Variants in MAGI1 observed in about 807,000 individuals in gnomAD.
MAGI1 encodes the protein membrane associated guanylate kinase, WW and PDZ domain containing 1, also known as membrane-associated guanylate kinase, WW and PDZ domain-containing protein 1.
Under a neutral mutation model 139.9 loss-of-function variants are expected in MAGI1, and 58 were observed. The ratio of observed to expected loss-of-function variants is 0.41; its 90% CI spans 0.34 to 0.52. MAGI1 has a LOEUF of 0.52. Among genes scored for constraint, MAGI1 ranks in the 20% least tolerant of loss-of-function variants. The pLI is 0.12. For synonymous variants in MAGI1, 812 were observed against 737.9 expected, an observed-to-expected ratio of 1.10 and a Z score of -1.63; for missense variants, 1,874 against 1,901.6, an observed-to-expected ratio of 0.99 and a Z score of 0.27.
At chr3:65,814,528 G>C (rs1157652477) in intron 1 of MAGI1, among the ~76,000 whole-genome samples, 2 of 152,130 alleles carry the variant, frequency 1.3e-5, no homozygotes, top group South Asian at 2.1e-4. Context: ...GATTTCTTTC[G>C]CCCAGAGGAT....
intron 1 of MAGI1, among the ~76,000 whole-genome samples, chr3:65,930,436 A>G (rs917747013): frequency 3.3e-5 from 5 of 151,726 alleles, no homozygotes; most frequent in African/African-American, 1.2e-4. Flanking sequence ...GTATTTATCA[A>G]AATGTCCACT....
intron 2 of MAGI1, among the ~76,000 whole-genome samples, chr3:65,525,324 G>C (rs2078333064): frequency 6.6e-6 from 1 of 152,134 alleles, no homozygotes; most frequent in Non-Finnish European, 1.5e-5. Context: ...CCCTCAGTAG[G>C]TTTTTCTTTT....
At chr3:65,392,870 G>T (rs1944044250) in intron 13 of MAGI1, among the ~76,000 whole-genome samples, 1 of 152,192 alleles carries the variant, frequency 6.6e-6, no homozygotes, top group Non-Finnish European at 1.5e-5. Flanking sequence ...AAGGTAGACT[G>T]TTTAAAATTA....
intron 1 of MAGI1, among the ~76,000 whole-genome samples, chr3:66,004,379 G>A (rs1255687875): frequency 6.6e-6 from 1 of 152,114 alleles, no homozygotes; most frequent in Non-Finnish European, 1.5e-5. Flanking sequence ...GCTGTCGGCC[G>A]AAACACCTAC....
rs188458217 is a variant in MAGI1 at position 65,631,351 on chromosome 3, T to A, written c.314-9263A>T. 3.6e-3 allele frequency among the ~76,000 whole-genome samples: 554 copies of A among 152,322 alleles called. 7 individuals are homozygous for A. Among genetic ancestry groups the A allele is most frequent in the African/African-American group, 0.013 (534 of 41,566 alleles). On this transcript the variant is annotated intron_variant, in intron 1 of 22. Coordinates refer to ENST00000402939, the MANE Select transcript of MAGI1 (RefSeq NM_001033057.2). ...GTAGGATCATGCCACATATATGGAT[T>A]TATATCTATGTTTTCTAACAAATAA...
intron 2 of MAGI1, among the ~76,000 whole-genome samples, chr3:65,595,386 C>A (rs767352273): frequency 2.2e-4 from 33 of 152,116 alleles, no homozygotes; most frequent in Non-Finnish European, 4.0e-4. Context: ...TTAATAAAGC[C>A]CATGTGAAAC....
chr3:65,728,697 G>A (rs973687575), intron 1 of MAGI1, among the ~76,000 whole-genome samples: 2 of 152,058 alleles, frequency 1.3e-5, no homozygotes, highest in South Asian at 4.1e-4. Flanking sequence ...CTGTCCCAAA[G>A]AAATGATGCA....
intron 1 of MAGI1, among the ~76,000 whole-genome samples, chr3:65,786,336 C>G (rs550988181): frequency 2.9e-5 from 4 of 138,640 alleles, no homozygotes; most frequent in Non-Finnish European, 4.6e-5. Flanking sequence ...CCACACCAAA[C>G]TGAAGTGTCA....
chr3:65,861,875 G>C (rs1172878769), intron 1 of MAGI1, among the ~76,000 whole-genome samples: 1 of 152,172 alleles, frequency 6.6e-6, no homozygotes, highest in Non-Finnish European at 1.5e-5. Context: ...AACTTGTTGA[G>C]ATATTAGCAG....
chr3:65,422,084 T>C (rs1040122222), intron 12 of MAGI1, among the ~76,000 whole-genome samples: 2 of 152,224 alleles, frequency 1.3e-5, no homozygotes, highest in Non-Finnish European at 2.9e-5. Flanking sequence ...TTAAAATCTC[T>C]AGAACTGTGC....
chr3:65,379,254 C>T lies in MAGI1; in HGVS notation c.2995+7G>A. 1 of 1,610,896 alleles carries T rather than the reference C, an allele frequency of 6.2e-7. No individual in the cohort carries two copies. The highest frequency in any genetic ancestry group is 8.5e-7 in the Non-Finnish European group (1 of 1,178,408). On this transcript the variant is annotated splice_region_variant and intron_variant, in intron 17 of 22. Coordinates refer to ENST00000402939, the MANE Select transcript of MAGI1 (RefSeq NM_001033057.2). Reference sequence around the variant, plus strand: ...AAACCCTGGGTAATTTCACGTTCAGCACTCACCAAAGGTCGTGCCTGCTTC... The same window carrying T: ...AAACCCTGGGTAATTTCACGTTCAGTACTCACCAAAGGTCGTGCCTGCTTC...
chr3:65,856,075 T>G (rs1406282801), intron 1 of MAGI1, among the ~76,000 whole-genome samples: 1 of 152,112 alleles, frequency 6.6e-6, no homozygotes, highest in Non-Finnish European at 1.5e-5. Flanking sequence ...TACTGAGCAT[T>G]TGAAATATGA....
At chr3:65,670,192 A>G (rs2107456539) in intron 1 of MAGI1, among the ~76,000 whole-genome samples, 1 of 152,254 alleles carries the variant, frequency 6.6e-6, no homozygotes, top group Admixed American at 6.5e-5. Flanking sequence ...CTTTATAACA[A>G]GTTAGTATGA....
intron 2 of MAGI1, among the ~76,000 whole-genome samples, chr3:65,535,145 C>T (rs1361737904): frequency 6.6e-6 from 1 of 151,912 alleles, no homozygotes; most frequent in African/African-American, 2.4e-5. Flanking sequence ...ACACTCCTTA[C>T]CATGAATTTG....
chr3:65,664,781 G>T (rs1185610533), intron 1 of MAGI1, among the ~76,000 whole-genome samples: 1 of 152,122 alleles, frequency 6.6e-6, no homozygotes, highest in African/African-American at 2.4e-5. Flanking sequence ...TCTGTTTCAG[G>T]TCTCACACTG....
At chr3:65,746,000 G>A (rs2035679662) in intron 1 of MAGI1, among the ~76,000 whole-genome samples, 1 of 152,004 alleles carries the variant, frequency 6.6e-6, no homozygotes, top group South Asian at 2.1e-4. Flanking sequence ...AAAGTGCTGG[G>A]ATTGCAGGCA....
rs1251327121 is a variant in MAGI1 at position 65,673,048 on chromosome 3, A to T, written c.314-50960T>A. On this transcript the variant is annotated intron_variant, in intron 1 of 22. Coordinates refer to ENST00000402939, the MANE Select transcript of MAGI1 (RefSeq NM_001033057.2). ...TGTTCCCAACTCAAAAGGGCATCACATAAATGACCGCCAGCGCCATCTGTC... is the reference window on the plus strand; with the variant it reads ...TGTTCCCAACTCAAAAGGGCATCACTTAAATGACCGCCAGCGCCATCTGTC... 5.3e-5 allele frequency among the ~76,000 whole-genome samples: 8 copies of T among 152,246 alleles called. No individual in the cohort carries two copies. The East Asian group carries it at 1.5e-3, about 29-fold the overall frequency.
chr3:65,730,532 C>G (rs1488193679), intron 1 of MAGI1, among the ~76,000 whole-genome samples: 1 of 152,222 alleles, frequency 6.6e-6, no homozygotes, highest in Non-Finnish European at 1.5e-5. Context: ...ATATACAACT[C>G]TAGACCAGTC....
At chr3:65,559,658 T>C (rs1576319124) in intron 2 of MAGI1, among the ~76,000 whole-genome samples, 1 of 152,178 alleles carries the variant, frequency 6.6e-6, no homozygotes, top group Non-Finnish European at 1.5e-5. Flanking sequence ...CGTTATTCCC[T>C]TTTTATAGAT....
Sources: gnomAD v4.1 joint callset for allele counts (sites outside exome capture counted in the v4.1 genomes callset) on GRCh38, gnomAD v4.1.1 for gene constraint, MANE v1.5 for transcripts, NCBI Gene and HGNC (gene_info 2026-07-23, HGNC 2026-07-21) for gene names.